The following PNCK variants were observed in gnomAD, a reference collection of about 807,000 sequenced individuals.
PNCK encodes calcium/calmodulin-dependent protein kinase type 1B.
A neutral mutation model predicts 28.3 loss-of-function variants in PNCK; 21 were observed. That is an observed-to-expected ratio of 0.74 (90% CI 0.53 to 1.07). PNCK has a LOEUF of 1.07. PNCK is among the 50% of genes least tolerant of loss of function. The pLI is 0.00. For synonymous variants in PNCK, 136 were observed against 125.2 expected, an observed-to-expected ratio of 1.09 and a Z score of -0.58; for missense variants, 250 against 298.3, an observed-to-expected ratio of 0.84 and a Z score of 1.19.
At chrX:153,672,317 C>T (rs1557040245) in intron 3 of PNCK, 117 bp from the exon 4 acceptor site, 4 of 877,742 alleles carry the variant, frequency 4.6e-6, no homozygotes. Context: ...CCATTCCCTA[C>T]CACATGCCAC....
intron 1 of PNCK, among the ~76,000 whole-genome samples, chrX:153,680,650 C>T (rs1557042336): frequency 1.8e-5 from 2 of 110,378 alleles, no homozygotes; most frequent in East Asian, 5.6e-4. Context: ...TCACTTGAAC[C>T]CGGGAGGTGG....
chrX:153,676,137 T>C (rs2091365125), upstream of PNCK, among the ~76,000 whole-genome samples: 1 of 110,146 alleles, frequency 9.1e-6, no homozygotes, highest in Non-Finnish European at 1.9e-5. Context: ...TTTGTGCTAA[T>C]AACTCTTTGT....
chrX:153,680,494 C>A (rs1557042315), intron 1 of PNCK, among the ~76,000 whole-genome samples: 1 of 110,039 alleles, frequency 9.1e-6, no homozygotes, highest in African/African-American at 3.3e-5. Context: ...CCTGTATAGT[C>A]TCCAGAACCA....
chrX:153,687,591 C>T, upstream of PNCK: 2 of 318,316 alleles, frequency 6.3e-6, no homozygotes, highest in Admixed American at 6.4e-5. Context: ...AGGCGGAGGG[C>T]TGAGGGGGCC....
intron 1 of PNCK, among the ~76,000 whole-genome samples, chrX:153,684,389 C>T (rs781790428): frequency 8.9e-6 from 1 of 112,599 alleles, no homozygotes; most frequent in African/African-American, 3.2e-5. Flanking sequence ...CTCCTTTCTG[C>T]GGGTCTGTGT....
At chrX:153,670,626 T>C in intron 10 of PNCK, 32 bp from the exon 11 acceptor site, 2 of 1,199,699 alleles carry the variant, frequency 1.7e-6, no homozygotes. Context: ...AGGCCAGGCC[T>C]GGGCCCAGGC....
At chrX:153,672,830 C>A (rs1165298500) in intron 2 of PNCK, 133 bp from the exon 3 acceptor site, 16 of 921,542 alleles carry the variant, frequency 1.7e-5, no homozygotes, top group Non-Finnish European at 2.4e-5. Context: ...TGCCACCCCC[C>A]ACCACCACTC....
chrX:153,686,923 C>G (rs782460774), intron 1 of PNCK: 20 of 113,428 alleles, frequency 1.8e-4, no homozygotes, highest in African/African-American at 6.5e-4. Flanking sequence ...CTTAGCTTAA[C>G]GGGATGAGCC....
upstream of PNCK, among the ~76,000 whole-genome samples, chrX:153,679,604 T>G (rs2091386106): frequency 1.0e-5 from 1 of 97,843 alleles, no homozygotes. Flanking sequence ...CACAGTCTTA[T>G]TCTGTTGCCC....
chrX:153,676,563 G>T (rs781999967), upstream of PNCK, among the ~76,000 whole-genome samples: 2 of 111,842 alleles, frequency 1.8e-5, no homozygotes, highest in Non-Finnish European at 3.8e-5. Context: ...AAATGGCCTT[G>T]CTAAGGAGAT....
intron 3 of PNCK, 69 bp from the exon 4 acceptor site, chrX:153,672,269 A>G (rs782358923): frequency 9.5e-7 from 1 of 1,049,877 alleles, no homozygotes; most frequent in Non-Finnish European, 1.3e-6. Context: ...GCCCTGGGGA[A>G]AGCCTCCTCC....
At chrX:153,680,883 G>A (rs2091392192) in intron 1 of PNCK, among the ~76,000 whole-genome samples, 1 of 109,291 alleles carries the variant, frequency 9.1e-6, no homozygotes. Flanking sequence ...ACAAAAATTA[G>A]CCGGGCGTGG....
chrX:153,681,621 A>G (rs1557042499), intron 1 of PNCK, among the ~76,000 whole-genome samples: 2 of 111,911 alleles, frequency 1.8e-5, no homozygotes, highest in East Asian at 5.6e-4. Context: ...TAAATGCAAC[A>G]TGTGATCCTG....
At chrX:153,687,526 A>G (rs184689535) in exon 1 of PNCK, 3,848 of 321,970 alleles carry the variant, frequency 0.012, 24 homozygotes, top group Non-Finnish European at 0.015. Context: ...AGGAGGGAGC[A>G]CCGGGAGGAG....
At chrX:153,673,500 A>C in intron 1 of PNCK, 2 of 403,284 alleles carry the variant, frequency 5.0e-6, no homozygotes, top group Non-Finnish European at 3.9e-6. Flanking sequence ...CAAGCCACCA[A>C]GCCGCCCGGG....
chrX:153,683,308 T>C (rs1557042708), intron 1 of PNCK, among the ~76,000 whole-genome samples: 1 of 110,311 alleles, frequency 9.1e-6, no homozygotes, highest in African/African-American at 3.3e-5. Flanking sequence ...ACCTGGTTAA[T>C]TTTTTGTATT....
At chrX:153,679,994 G>A (rs1410727684) in intron 1 of PNCK, among the ~76,000 whole-genome samples, 1 of 111,101 alleles carries the variant, frequency 9.0e-6, no homozygotes, top group African/African-American at 3.3e-5. Flanking sequence ...GGAGGCTGCA[G>A]TGAGCCATGA....
rs2091279270 is a variant in PNCK at position 153,670,431 on chromosome X, AG to A, written c.*7+18del. The A allele has an allele frequency of 8.3e-7, 1 of 1,209,813 alleles. No homozygotes were observed. The highest frequency in any genetic ancestry group is 2.2e-5 in the Admixed American group (1 of 45,985). ...CCAAGGAGCCAGCTCCTGGGCGTGC[AG>A]GGTCCACCCAAACACACCTGGGCAT... On this transcript the variant is annotated intron_variant, in intron 11 of 11. Transcript: ENST00000340888.
At chrX:153,684,816 C>T (rs1236780544) in intron 1 of PNCK, among the ~76,000 whole-genome samples, 1 of 88,345 alleles carries the variant, frequency 1.1e-5, no homozygotes, top group Non-Finnish European at 2.2e-5. Flanking sequence ...GGCTAGCCCC[C>T]CTCCCCTGCC....
Sources: allele counts gnomAD v4.1 joint callset (sites outside exome capture counted in the v4.1 genomes callset), GRCh38; gene constraint gnomAD v4.1.1; transcripts MANE v1.5; gene names NCBI Gene and HGNC (gene_info 2026-07-23, HGNC 2026-07-21).